The following ZNF638 variants were observed in gnomAD, a reference collection of about 807,000 sequenced individuals.
The protein encoded by ZNF638 is zinc finger protein 638.
In ZNF638, 46 loss-of-function variants were observed where a neutral mutation model predicts 195.6. The ratio of observed to expected loss-of-function variants is 0.24; its 90% CI spans 0.19 to 0.30. The LOEUF (loss-of-function observed/expected upper bound fraction) is 0.30. Ranked by LOEUF, ZNF638 falls within the 10% of genes least tolerant of loss-of-function variation. The probability of loss-of-function intolerance (pLI) is 1.00; values close to 1 mark genes in which losing one functional copy is unlikely to be tolerated. For missense variants in ZNF638, 2,440 were observed against 2,325.3 expected, an observed-to-expected ratio of 1.05 and a Z score of -1.01; for synonymous variants, 845 against 772.0, an observed-to-expected ratio of 1.09 and a Z score of -1.57.
At chr2:71,370,032 T>G (rs757864816) in intron 8 of ZNF638, 27 bp downstream of exon 8, 40 of 1,577,530 alleles carry the variant, frequency 2.5e-5, no homozygotes, top group Non-Finnish European at 3.2e-5. Flanking sequence ...TCTTAAATGT[T>G]TTATCACTGT....
chr2:71,400,532 T>A lies in ZNF638; in HGVS notation c.2697+14T>A, dbSNP rs780859954. 1.7e-5 allele frequency: 27 copies of A among 1,591,354 alleles called. No homozygotes were observed. In the South Asian group the frequency reaches 2.0e-4, roughly 12 times the overall value. On this transcript the variant is annotated intron_variant, in intron 15 of 27. Coordinates refer to ENST00000264447, the MANE Select transcript of ZNF638 (RefSeq NM_014497.5). ...CCACTTAACAAGGTCAGTTTTCATG[T>A]TTTATTTATTTCTTTAAAGCTCAAG...
chr2:71,356,760 G>A (rs1451738578), intron 3 of ZNF638, among the ~76,000 whole-genome samples: 1 of 151,646 alleles, frequency 6.6e-6, no homozygotes, highest in Non-Finnish European at 1.5e-5. Flanking sequence ...CTGCACTCTA[G>A]CCTGGGCGAC....
intron 8 of ZNF638, 199 bp from the exon 9 acceptor site, chr2:71,380,021 GAT>G: frequency 2.6e-6 from 1 of 391,578 alleles, no homozygotes; most frequent in Non-Finnish European, 4.6e-6. Context: ...TGTAGTTAAT[GAT>G]AAGAAAATGC....
chr2:71,375,094 G>A (rs1489075563), intron 8 of ZNF638: 2 of 151,876 alleles, frequency 1.3e-5, no homozygotes, highest in African/African-American at 4.8e-5. Context: ...GTTCTCATAT[G>A]TTTTCTAGTT....
chr2:71,387,666 A>G (rs954293042), intron 10 of ZNF638, among the ~76,000 whole-genome samples: 1 of 152,052 alleles, frequency 6.6e-6, no homozygotes, highest in Non-Finnish European at 1.5e-5. Flanking sequence ...CTCTCTCAAA[A>G]AAAAAAAAGT....
In ZNF638 at chr2:71,408,160, A is replaced by C; in HGVS notation, c.3174A>C (p.Ser1058=). The change falls in exon 20 of 28, where the codon TCA becomes TCC. Residue 1058 remains serine, a synonymous_variant. Transcript: ENST00000264447. ...TAGATAGTCCTGAATCTGCTCAGTC[A>C]ATGTATAGCTTTCTGAAACAAAATC... The part of the protein sequence containing the change: ...LQLDSPESAQ[S]MYSFLKQNPQ... 2 of 1,613,260 alleles carry C rather than the reference A, an allele frequency of 1.2e-6. No individual in the cohort carries two copies. The highest frequency in any genetic ancestry group is 8.5e-7 in the Non-Finnish European group (1 of 1,179,520).
chr2:71,380,604 T>C (rs1395230583), intron 10 of ZNF638, 39 bp downstream of exon 10: 5 of 1,528,802 alleles, frequency 3.3e-6, no homozygotes, highest in African/African-American at 1.4e-5. Context: ...AATGAGTGTA[T>C]CTTGTCAGTT....
chr2:71,396,880 G>A (rs1473876496), intron 11 of ZNF638, among the ~76,000 whole-genome samples: 1 of 152,200 alleles, frequency 6.6e-6, no homozygotes, highest in Non-Finnish European at 1.5e-5. Context: ...CCGGGAGGTG[G>A]AAGTTGCAGT....
intron 10 of ZNF638, among the ~76,000 whole-genome samples, chr2:71,390,891 T>G (rs1056899612): frequency 6.6e-6 from 1 of 152,156 alleles, no homozygotes; most frequent in African/African-American, 2.4e-5. Context: ...ACTCTAAACA[T>G]GACTGTCCCT....
intron 6 of ZNF638, among the ~76,000 whole-genome samples, chr2:71,367,068 C>A (rs1000968332): frequency 5.9e-5 from 9 of 152,152 alleles, no homozygotes; most frequent in African/African-American, 1.4e-4. Flanking sequence ...AAAGAACTTA[C>A]ATTTAGAAGG....
In ZNF638 at chr2:71,408,331, TTC is replaced by T. The variant is rs1202350404; in HGVS notation, c.3261+86_3261+87del. On this transcript the variant is annotated intron_variant, in intron 20 of 27. Transcript: ENST00000264447. ...CATTCTCAGGTAGTAGTCAAACTGT[TTC>T]TGTGTTTAGAGATGATTTTTATAAT... The T allele has an allele frequency of 4.8e-6, 7 of 1,461,982 alleles. No homozygotes were observed. In the African/African-American group the frequency reaches 1.0e-4, roughly 21 times the overall value. The allele number at this position is 1,461,982 out of a possible 1,614,324, so 90.6% of individuals were successfully genotyped here.
rs571462213 is a variant in ZNF638, at chr2:71,388,764, G to A, written c.2378-7377G>A. 5 of 985,314 alleles carry A rather than the reference G, an allele frequency of 5.1e-6. No individual in the cohort carries two copies. The South Asian group carries it at 6.7e-5, about 13-fold the overall frequency. 61.0% of individuals were successfully genotyped at this position (985,314 alleles called of 1,614,324 possible). On this transcript the variant is annotated intron_variant, in intron 10 of 27. Coordinates refer to ENST00000264447, the MANE Select transcript of ZNF638 (RefSeq NM_014497.5). Reference sequence around the variant, plus strand: ...CCACTCGGGATATCCAAGTTCAGGGGAATTCTCAGACTAGAGTTTCATCAT... The same window carrying A: ...CCACTCGGGATATCCAAGTTCAGGGAAATTCTCAGACTAGAGTTTCATCAT...
chr2:71,348,372 T>G, intron 1 of ZNF638: 1 of 975,784 alleles, frequency 1.0e-6, no homozygotes, highest in Non-Finnish European at 1.2e-6. Flanking sequence ...ATAACATGCG[T>G]ATTAAATGTG....
chr2:71,347,960 T>C (rs188649830), intron 1 of ZNF638, among the ~76,000 whole-genome samples: 1 of 152,336 alleles, frequency 6.6e-6, no homozygotes, highest in Non-Finnish European at 1.5e-5. Flanking sequence ...TCAGGACTGT[T>C]GTGAGCATCA....
intron 8 of ZNF638, among the ~76,000 whole-genome samples, chr2:71,373,604 G>A (rs574136774): frequency 1.4e-5 from 2 of 146,284 alleles, no homozygotes; most frequent in South Asian, 4.4e-4. Flanking sequence ...GCCACTAACA[G>A]AGATGGGGTT....
rs1404515087 is a variant in ZNF638, at chr2:71,396,191, G to A, written c.2428G>A (p.Gly810Arg). ...TGTAGCCAAAGTAAACAAATCTACA[G>A]GTATGTTTTTTTAATTAGGATTCTA... ...ASVAKVNKST[G>R]KSASSVKSVV... is the part of the protein sequence containing the mutation. Residue 810 changes from glycine (G) to arginine (R), a missense_variant and splice_region_variant, in exon 11 of 28, where the codon GGG becomes AGG. Physicochemically the swap from Gly to Arg is moderately radical, Grantham distance 125. Coordinates refer to ENST00000264447, the MANE Select transcript of ZNF638 (RefSeq NM_014497.5). 1 of 1,610,414 alleles carries A rather than the reference G, an allele frequency of 6.2e-7. No homozygotes were observed. The highest frequency in any genetic ancestry group is 8.5e-7 in the Non-Finnish European group (1 of 1,178,964).
chr2:71,347,071 C>A (rs1422201653), intron 1 of ZNF638, among the ~76,000 whole-genome samples: 2 of 151,768 alleles, frequency 1.3e-5, no homozygotes, highest in African/African-American at 4.8e-5. Context: ...TCACTCTTGG[C>A]ATTGGTAGTC....
intron 19 of ZNF638, 100 bp from the exon 20 acceptor site, chr2:71,408,022 T>C: frequency 9.0e-7 from 1 of 1,106,312 alleles, no homozygotes; most frequent in Non-Finnish European, 1.3e-6. Flanking sequence ...CTTTCATTCC[T>C]TTTAGGTGTA....
chr2:71,430,950 A>G (rs574947858), intron 25 of ZNF638: 1 of 160,864 alleles, frequency 6.2e-6, no homozygotes, highest in South Asian at 1.7e-4. Context: ...GGGCCTCAGT[A>G]TTGGGCCATA....
Sources: gnomAD v4.1 joint callset for allele counts (sites outside exome capture counted in the v4.1 genomes callset) on GRCh38, gnomAD v4.1.1 for gene constraint, MANE v1.5 for transcripts, NCBI Gene and HGNC (gene_info 2026-07-23, HGNC 2026-07-21) for gene names.